Variants in ADGRV1 observed in about 807,000 individuals in gnomAD.
The protein encoded by ADGRV1 is G-protein coupled receptor 98.
A neutral mutation model predicts 596.2 loss-of-function variants in ADGRV1; 359 were observed. The ratio of observed to expected loss-of-function variants is 0.60; its 90% CI spans 0.55 to 0.66. ADGRV1 has a LOEUF of 0.66. Ranked by LOEUF, ADGRV1 falls within the 30% of genes least tolerant of loss-of-function variation. The pLI is 0.00. For missense variants in ADGRV1, 7,274 were observed against 7,575.6 expected (o/e 0.96, Z 1.48); for synonymous variants, 2,681 against 2,679.2 (o/e 1.00, Z -0.02).
In ADGRV1 at chr5:90,828,925, T is replaced by C; in HGVS notation, c.16369-19T>C. 4 of 1,517,118 alleles carry C rather than the reference T, an allele frequency of 2.6e-6. No individual in the cohort carries two copies. Among genetic ancestry groups the C allele is most frequent in the Non-Finnish European group, 3.5e-6 (4 of 1,127,356 alleles). The allele number at this position is 1,517,118 out of a possible 1,614,324, so 94.0% of individuals were successfully genotyped here. On this transcript the variant is annotated intron_variant, in intron 76 of 89. Transcript: ENST00000405460. ...TATATTAGTAATAGTTGTTTTTTTTTCCTTTTTCTCATTGTCAGGTACCAC... is the reference window on the plus strand; with the variant it reads ...TATATTAGTAATAGTTGTTTTTTTTCCCTTTTTCTCATTGTCAGGTACCAC...
chr5:91,014,170 ACACACC>A (rs1311362908), intron 85 of ADGRV1, among the ~76,000 whole-genome samples: 10 of 151,156 alleles, frequency 6.6e-5, no homozygotes, highest in East Asian at 5.9e-4. Flanking sequence ...ACACACACAC[ACACACC>A]CCTAGACATA....
At chr5:90,686,320 C>T (rs1371047837) in intron 29 of ADGRV1, among the ~76,000 whole-genome samples, 1 of 152,008 alleles carries the variant, frequency 6.6e-6, no homozygotes, top group Non-Finnish European at 1.5e-5. Context: ...CCCATTAACT[C>T]ATCATTTGGC....
chr5:90,614,072 T>C (rs947255766), intron 1 of ADGRV1, among the ~76,000 whole-genome samples: 1 of 151,394 alleles, frequency 6.6e-6, no homozygotes, highest in African/African-American at 2.4e-5. Context: ...ACCACTGCAC[T>C]GTTGTGCTTT....
rs891938124 is a variant in ADGRV1 at position 91,002,757 on chromosome 5, A to G, written c.18152+17235A>G. ...CATGGGGCCTCATGTTGTCCAATAC[A>G]TGAAGTTATGACTTTGGTTCTGTTC... On this transcript the variant is annotated intron_variant, in intron 85 of 89. Coordinates refer to ENST00000405460, the MANE Select transcript of ADGRV1 (RefSeq NM_032119.4). Among the ~76,000 whole-genome samples, 7 of 152,230 alleles carry G rather than the reference A, an allele frequency of 4.6e-5. 1 individual carries two copies. Among genetic ancestry groups the G allele is most frequent in the Admixed American group, 2.0e-4 (3 of 15,274 alleles).
At chr5:91,092,641 GA>G (rs1562208021) in intron 86 of ADGRV1, 1 of 152,156 alleles carries the variant, frequency 6.6e-6, no homozygotes, top group Non-Finnish European at 1.5e-5. Context: ...TACAAAGGAA[GA>G]AATAGAATGA....
chr5:90,878,009 T>C (rs997769541), intron 83 of ADGRV1, among the ~76,000 whole-genome samples: 1 of 152,200 alleles, frequency 6.6e-6, no homozygotes, highest in Admixed American at 6.5e-5. Context: ...GAGGTAAAGA[T>C]AGAGTTCAGA....
intron 50 of ADGRV1, 69 bp from the exon 51 acceptor site, chr5:90,744,977 C>T: frequency 2.8e-6 from 3 of 1,084,730 alleles, no homozygotes; most frequent in Non-Finnish European, 4.1e-6. Context: ...TGCTTTGGAA[C>T]CGATGCAGGG....
chr5:91,107,837 T>G (rs1792026524), intron 87 of ADGRV1, among the ~76,000 whole-genome samples: 1 of 152,114 alleles, frequency 6.6e-6, no homozygotes, highest in East Asian at 1.9e-4. Context: ...TCAAATCACA[T>G]AAACAGGAAA....
Position 91,120,896 on chromosome 5 carries a change from AGGCACTAT to A in ADGRV1, c.18432+18560_18432+18567del, listed in dbSNP as rs367724695. The stretch of plus-strand genomic sequence containing the variant: ...AGATATGAAAGTATAGAATGGGGCC[AGGCACTAT>A]GGCTCACGCCTGTAATCCCAGCACT... On this transcript the variant is annotated intron_variant, in intron 87 of 89. Coordinates refer to ENST00000405460, the MANE Select transcript of ADGRV1 (RefSeq NM_032119.4). 9.3e-3 allele frequency among the ~76,000 whole-genome samples: 1,419 copies of A among 152,278 alleles called. 17 individuals carry two copies. The highest frequency in any genetic ancestry group is 0.032 in the African/African-American group (1,318 of 41,556).
chr5:91,010,676 G>A (rs558516107), intron 85 of ADGRV1, among the ~76,000 whole-genome samples: 1 of 151,996 alleles, frequency 6.6e-6, no homozygotes, highest in East Asian at 1.9e-4. Flanking sequence ...TACTTACAGT[G>A]GAAACCTTCT....
chr5:91,060,773 C>T (rs1787357285), intron 85 of ADGRV1, among the ~76,000 whole-genome samples: 1 of 152,056 alleles, frequency 6.6e-6, no homozygotes, highest in Admixed American at 6.5e-5. Flanking sequence ...AGGGGATGCT[C>T]TAGAAGTTTT....
At chr5:91,156,427 CTT>C (rs1265186880) in intron 89 of ADGRV1, among the ~76,000 whole-genome samples, 2 of 152,164 alleles carry the variant, frequency 1.3e-5, no homozygotes, top group African/African-American at 4.8e-5. Context: ...CTGCACAAAA[CTT>C]TCCTTAAAGT....
At chr5:90,636,012 G>A (rs1007355469) in intron 10 of ADGRV1, among the ~76,000 whole-genome samples, 3 of 151,840 alleles carry the variant, frequency 2.0e-5, no homozygotes, top group African/African-American at 7.3e-5. Flanking sequence ...GCCAGGTTGG[G>A]CCTTATGCTT....
At chr5:90,848,895 A>G (rs1178746368) in intron 79 of ADGRV1, 74 bp downstream of exon 79, 1 of 1,044,488 alleles carries the variant, frequency 9.6e-7, no homozygotes, top group Admixed American at 2.8e-5. Context: ...TATGTAATGC[A>G]AAATGACATT....
At chr5:91,099,663 C>T (rs765959927) in intron 86 of ADGRV1, among the ~76,000 whole-genome samples, 6 of 151,964 alleles carry the variant, frequency 3.9e-5, no homozygotes, top group South Asian at 2.1e-4. Context: ...CCCAGCATTT[C>T]GAGAGGCCGA....
chr5:90,572,015 C>T (rs976729314), intron 1 of ADGRV1, among the ~76,000 whole-genome samples: 5 of 152,062 alleles, frequency 3.3e-5, no homozygotes, highest in African/African-American at 9.7e-5. Flanking sequence ...TTTAGGAGGT[C>T]CTTACCCTGA....
At chr5:90,675,822 G>A (rs912361403) in intron 24 of ADGRV1, among the ~76,000 whole-genome samples, 2 of 151,516 alleles carry the variant, frequency 1.3e-5, no homozygotes, top group Admixed American at 1.3e-4. Context: ...AATAAAAAAA[G>A]AAAAGAAAAG....
intron 83 of ADGRV1, among the ~76,000 whole-genome samples, chr5:90,926,329 A>G (rs1176092074): frequency 6.6e-6 from 1 of 151,584 alleles, no homozygotes; most frequent in African/African-American, 2.4e-5. Context: ...TGGTCTATTC[A>G]GAGATTCAAC....
At chr5:90,928,625 C>G (rs1774797838) in intron 83 of ADGRV1, among the ~76,000 whole-genome samples, 1 of 150,516 alleles carries the variant, frequency 6.6e-6, no homozygotes, top group Non-Finnish European at 1.5e-5. Flanking sequence ...GCCTTCTTCT[C>G]TCAGCTCGTG....
Sources: gnomAD v4.1 joint callset for allele counts (sites outside exome capture counted in the v4.1 genomes callset) on GRCh38, gnomAD v4.1.1 for gene constraint, MANE v1.5 for transcripts, NCBI Gene and HGNC (gene_info 2026-07-23, HGNC 2026-07-21) for gene names.